Variants in PSTPIP2 observed in about 807,000 individuals in gnomAD.
PSTPIP2 encodes the protein proline-serine-threonine phosphatase-interacting protein 2.
PSTPIP2 carries 33 observed loss-of-function variants against 63.3 expected under a neutral mutation model. The observed-to-expected ratio is 0.52, with a 90% CI of 0.40 to 0.70. PSTPIP2 has a LOEUF of 0.70. Ranked by LOEUF, PSTPIP2 falls within the 30% of genes least tolerant of loss-of-function variation. The pLI, the probability that PSTPIP2 is intolerant of heterozygous loss-of-function variation, is 0.00. For missense variants in PSTPIP2, 312 were observed against 400.7 expected (o/e 0.78, Z 1.89); for synonymous variants, 125 against 132.7 (o/e 0.94, Z 0.40).
At chr18:46,058,143 C>T (rs1298840205) in intron 1 of PSTPIP2, among the ~76,000 whole-genome samples, 1 of 152,016 alleles carries the variant, frequency 6.6e-6, no homozygotes, top group African/African-American at 2.4e-5. Flanking sequence ...AATAAGTACA[C>T]TTCTTCAACA....
At chr18:46,062,529 C>CTT (rs1027613015) in intron 1 of PSTPIP2, among the ~76,000 whole-genome samples, 2 of 146,374 alleles carry the variant, frequency 1.4e-5, no homozygotes. Context: ...CAGTAAACCA[C>CTT]TTTTTTTTTT....
chr18:46,071,084 C>T (rs977964918), intron 1 of PSTPIP2, among the ~76,000 whole-genome samples: 1 of 152,094 alleles, frequency 6.6e-6, no homozygotes, highest in African/African-American at 2.4e-5. Context: ...AGTAGTGCCC[C>T]AGAAGGACCT....
At chr18:46,019,299 T>C (rs6507661) in intron 3 of PSTPIP2, among the ~76,000 whole-genome samples, 16,362 of 152,210 alleles carry the variant, frequency 0.11, 1,164 homozygotes, top group East Asian at 0.39. Flanking sequence ...CCTTGTGTTT[T>C]CCAAGTGGCC....
chr18:45,998,764 C>T, intron 8 of PSTPIP2, 30 bp downstream of exon 8: 1 of 1,610,656 alleles, frequency 6.2e-7, no homozygotes, highest in Non-Finnish European at 8.5e-7. Flanking sequence ...ACCAGCAACC[C>T]TCCCCCATCC....
chr18:45,990,844 T>C (rs1391950989), intron 12 of PSTPIP2, 88 bp from the exon 13 acceptor site: 7 of 1,138,580 alleles, frequency 6.1e-6, no homozygotes, highest in Non-Finnish European at 8.9e-6. Flanking sequence ...TATTGTACTC[T>C]AATCAGATCT....
rs750776412 is a variant in PSTPIP2 at position 45,997,800 on chromosome 18, G to T, written c.591C>A (p.Thr197=). The change falls in exon 9 of 15, where the codon ACC becomes ACA. Residue 197 remains threonine (T), a synonymous_variant. Coordinates refer to ENST00000409746, the MANE Select transcript of PSTPIP2 (RefSeq NM_024430.4). ...SDKAYMLHIG[T]LDKVREEWQS... ...GCCACTCTTCTCGGACCTTATCCAGGGTGCCGATGTGCAGCATGTATGCTT... is the reference window on the plus strand; with the variant it reads ...GCCACTCTTCTCGGACCTTATCCAGTGTGCCGATGTGCAGCATGTATGCTT... 6.5e-7 allele frequency: 1 copy of T among 1,547,454 alleles called. No individual in the cohort carries two copies. The highest frequency in any genetic ancestry group is 8.8e-7 in the Non-Finnish European group (1 of 1,142,518).
At chr18:46,037,991 T>C (rs888497107) in intron 2 of PSTPIP2, among the ~76,000 whole-genome samples, 14 of 152,258 alleles carry the variant, frequency 9.2e-5, no homozygotes, top group Non-Finnish European at 1.9e-4. Flanking sequence ...GGGATCCTAT[T>C]TGGACTAGCG....
At chr18:46,066,259 T>C (rs2144138179) in intron 1 of PSTPIP2, among the ~76,000 whole-genome samples, 2 of 152,220 alleles carry the variant, frequency 1.3e-5, no homozygotes, top group Admixed American at 1.3e-4. Flanking sequence ...CCCAGGAGTT[T>C]GAGGCTGCAG....
rs1195767871 is a variant in PSTPIP2, at chr18:45,988,738, A to G, written c.977T>C (p.Val326Ala). ...SSPDDPNYSL[V>A]DDYSLLYQ is the part of the protein sequence containing the mutation. ...CTGATAGAGCAAACTGTAGTCATCA[A>G]CCAAAGAGTAATTGGGATCATCTGC... The change falls in exon 14 of 15, where the codon GTT becomes GCT. Residue 326 changes from valine (V) to alanine (A), a missense_variant. Physicochemically the swap from Val to Ala is moderately conservative, Grantham distance 64. Transcript: ENST00000409746. The G allele has an allele frequency of 6.4e-7, 1 of 1,565,976 alleles. No homozygotes were observed. Among genetic ancestry groups the G allele is most frequent in the Non-Finnish European group, 8.8e-7 (1 of 1,136,586 alleles).
chr18:45,989,752 C>T (rs532823689), intron 13 of PSTPIP2: 5 of 152,276 alleles, frequency 3.3e-5, no homozygotes, highest in Non-Finnish European at 7.3e-5. Context: ...AATGCAGCTA[C>T]TCATATACTC....
chr18:46,022,284 T>TGTGTGTGTGTGTGTGTGTTGC (rs1214341483), intron 3 of PSTPIP2, among the ~76,000 whole-genome samples: 1 of 151,388 alleles, frequency 6.6e-6, no homozygotes, highest in Admixed American at 6.6e-5. Context: ...TGTGTGTATG[T>TGTGTGTGTGTGTGTGTGTTGC]GTGTGTGTGT....
chr18:46,031,861 G>A (rs1907797983), intron 2 of PSTPIP2, among the ~76,000 whole-genome samples: 1 of 152,108 alleles, frequency 6.6e-6, no homozygotes, highest in Admixed American at 6.6e-5. Context: ...TAGAACCCGG[G>A]AAGTAATGAG....
intron 1 of PSTPIP2, among the ~76,000 whole-genome samples, chr18:46,062,484 GA>G (rs372901021): frequency 0.46 from 63,948 of 140,368 alleles, 14,707 homozygotes; most frequent in Middle Eastern, 0.57. Context: ...CTACTAAAAA[GA>G]AAAAGAAAAA....
At chr18:45,992,764 CTGCAG>C (rs138397327) in intron 10 of PSTPIP2, among the ~76,000 whole-genome samples, 34,370 of 151,630 alleles carry the variant, frequency 0.23, 5,338 homozygotes, top group African/African-American at 0.43. Flanking sequence ...GTCACCCAGG[CTGCAG>C]TGCAGTGCAG....
chr18:46,013,065 A>G (rs2051817070), intron 4 of PSTPIP2, among the ~76,000 whole-genome samples: 1 of 151,306 alleles, frequency 6.6e-6, no homozygotes, highest in Non-Finnish European at 1.5e-5. Context: ...TCTCATTTTA[A>G]TTTTTAAGAT....
intron 3 of PSTPIP2, among the ~76,000 whole-genome samples, chr18:46,021,278 T>C (rs1013266297): frequency 6.6e-6 from 1 of 152,156 alleles, no homozygotes; most frequent in Admixed American, 6.5e-5. Flanking sequence ...ATTGGTTACA[T>C]AATCACACAG....
intron 3 of PSTPIP2, among the ~76,000 whole-genome samples, chr18:46,022,064 G>A (rs529111387): frequency 1.2e-3 from 171 of 147,964 alleles, no homozygotes; most frequent in African/African-American, 4.3e-3. Flanking sequence ...TATTATGTTC[G>A]TTTTTTTACT....
chr18:45,989,551 T>C (rs1366581626), intron 13 of PSTPIP2: 2 of 153,110 alleles, frequency 1.3e-5, no homozygotes, highest in African/African-American at 2.4e-5. Flanking sequence ...AGTACACTCA[T>C]TCTCTTGAAC....
intron 3 of PSTPIP2, among the ~76,000 whole-genome samples, chr18:46,017,180 T>A (rs1051474928): frequency 6.6e-6 from 1 of 152,192 alleles, no homozygotes; most frequent in African/African-American, 2.4e-5. Context: ...AAATAATTTT[T>A]CCAGGTTGAT....
Sources: gnomAD v4.1 joint callset for allele counts (sites outside exome capture counted in the v4.1 genomes callset) on GRCh38, gnomAD v4.1.1 for gene constraint, MANE v1.5 for transcripts, NCBI Gene and HGNC (gene_info 2026-07-23, HGNC 2026-07-21) for gene names.